Variants in GXYLT1 observed in about 807,000 individuals in gnomAD.
GXYLT1 encodes glycosyltransferase 8 domain containing 3.
GXYLT1 carries 29 observed loss-of-function variants against 54.0 expected under a neutral mutation model. The ratio of observed to expected loss-of-function variants is 0.54; its 90% CI spans 0.40 to 0.73. GXYLT1 has a LOEUF of 0.73. GXYLT1 is among the 30% of genes least tolerant of loss of function. The probability of loss-of-function intolerance (pLI) is 0.00; values close to 1 mark genes in which losing one functional copy is unlikely to be tolerated. For synonymous variants in GXYLT1, 176 were observed against 204.1 expected, an observed-to-expected ratio of 0.86 and a Z score of 1.17; for missense variants, 490 against 553.4, an observed-to-expected ratio of 0.89 and a Z score of 1.15.
intron 1 of GXYLT1, among the ~76,000 whole-genome samples, chr12:42,136,068 T>G (rs2065617894): frequency 6.6e-6 from 1 of 152,226 alleles, no homozygotes; most frequent in Non-Finnish European, 1.5e-5. Context: ...CTGTAAGGAA[T>G]GAAGTAATTT....
rs1043441185 is a variant in GXYLT1, at chr12:42,087,531, A to G, written c.*255T>C. The G allele has an allele frequency of 2.5e-5, 9 of 361,174 alleles. No individual in the cohort carries two copies. The highest frequency in any genetic ancestry group is 2.0e-4 in the African/African-American group (9 of 45,722). The allele number at this position is 361,174 out of a possible 1,614,324, so 22.4% of individuals were successfully genotyped here. ...AGTCTGCAGGTTAAACCCATTCAAT[A>G]GTATTTTCATCAATACTGGAATGAT... is the stretch of plus-strand genomic sequence containing the variant. On this transcript the variant is annotated 3_prime_UTR_variant, in exon 8 of 8. Coordinates refer to ENST00000398675, the MANE Select transcript of GXYLT1 (RefSeq NM_173601.2).
At chr12:42,127,915 A>T (rs562715349) in intron 2 of GXYLT1, among the ~76,000 whole-genome samples, 2 of 152,366 alleles carry the variant, frequency 1.3e-5, no homozygotes, top group South Asian at 4.1e-4. Flanking sequence ...TCAATCACCC[A>T]ATCTCTTCCA....
At chr12:42,121,891 A>G (rs1436351870) in intron 2 of GXYLT1, among the ~76,000 whole-genome samples, 1 of 152,118 alleles carries the variant, frequency 6.6e-6, no homozygotes, top group South Asian at 2.1e-4. Context: ...GTCTCTGACA[A>G]CCACCCTACC....
intron 4 of GXYLT1, among the ~76,000 whole-genome samples, chr12:42,106,368 T>C (rs1489020889): frequency 1.3e-5 from 2 of 152,214 alleles, no homozygotes; most frequent in Non-Finnish European, 2.9e-5. Context: ...TTTTTCATAA[T>C]GGATAATAAC....
intron 2 of GXYLT1, among the ~76,000 whole-genome samples, chr12:42,123,429 A>C (rs1229808073): frequency 6.6e-6 from 1 of 152,196 alleles, no homozygotes; most frequent in Non-Finnish European, 1.5e-5. Context: ...AATGTATGGT[A>C]TGCTTACTGT....
intron 1 of GXYLT1, among the ~76,000 whole-genome samples, chr12:42,142,973 T>G (rs1565584187): frequency 1.3e-5 from 2 of 152,204 alleles, no homozygotes. Flanking sequence ...TCCTGACACA[T>G]AAAACTTAAC....
chr12:42,107,822 C>T (rs2065430119), intron 4 of GXYLT1, among the ~76,000 whole-genome samples: 3 of 152,080 alleles, frequency 2.0e-5, no homozygotes, highest in African/African-American at 7.2e-5. Flanking sequence ...TTACAGATTA[C>T]TATATTCTTA....
rs2065300001 is a variant in GXYLT1, at chr12:42,087,318, C to T, written c.*468G>A. 1 of 153,224 alleles carries T rather than the reference C, an allele frequency of 6.5e-6. No individual in the cohort carries two copies. Among genetic ancestry groups the T allele is most frequent in the African/African-American group, 2.4e-5 (1 of 41,452 alleles). The allele number at this position is 153,224 out of a possible 1,614,324, so 9.5% of individuals were successfully genotyped here. On this transcript the variant is annotated 3_prime_UTR_variant, in exon 8 of 8. Coordinates refer to ENST00000398675, the MANE Select transcript of GXYLT1 (RefSeq NM_173601.2). ...TTGTCAATGGTTACATCAGTTACAT[C>T]ACATTTCTTCAGAAACAACAGACCT... is the stretch of plus-strand genomic sequence containing the variant.
chr12:42,083,843 C>T lies in GXYLT1; in HGVS notation c.*3943G>A, dbSNP rs1006152322. On this transcript the variant is annotated 3_prime_UTR_variant, in exon 8 of 8. Coordinates refer to ENST00000398675, the MANE Select transcript of GXYLT1 (RefSeq NM_173601.2). ...CCCCCTTCAGACCTAATGAAGCAGT[C>T]CCCTCCACTTCCAACCTCCACTGGG... The T allele has an allele frequency of 1.3e-5, 2 of 151,954 alleles. No homozygotes were observed. The highest frequency in any genetic ancestry group is 2.9e-5 in the Non-Finnish European group (2 of 67,994). The allele number at this position is 151,954 out of a possible 1,614,324, so 9.4% of individuals were successfully genotyped here.
In GXYLT1 at chr12:42,085,625, T is replaced by A. The variant is rs1191935715; in HGVS notation, c.*2161A>T. ...CTCAAAGTAGCTAACATCAAAGTCA[T>A]CTGAGGTGATTGTTAAAAACGAAAT... On this transcript the variant is annotated 3_prime_UTR_variant, in exon 8 of 8. Coordinates refer to ENST00000398675, the MANE Select transcript of GXYLT1 (RefSeq NM_173601.2). The A allele has an allele frequency of 6.6e-6, 1 of 152,258 alleles. No individual in the cohort carries two copies. Among genetic ancestry groups the A allele is most frequent in the Non-Finnish European group, 1.5e-5 (1 of 68,040 alleles). 9.4% of individuals were successfully genotyped at this position (152,258 alleles called of 1,614,324 possible). A position where few individuals can be genotyped will look rare whatever the true frequency, so the allele number is the denominator to read the frequency against.
chr12:42,122,842 A>T (rs1329904117), intron 2 of GXYLT1, among the ~76,000 whole-genome samples: 2 of 152,230 alleles, frequency 1.3e-5, no homozygotes, highest in Non-Finnish European at 2.9e-5. Flanking sequence ...GCACTGTTAC[A>T]GTGTAGAAAT....
intron 1 of GXYLT1, among the ~76,000 whole-genome samples, chr12:42,133,390 T>G (rs151021272): frequency 6.6e-6 from 1 of 152,284 alleles, no homozygotes; most frequent in African/African-American, 2.4e-5. Context: ...ACTGTACCAA[T>G]GTCCAGGCCC....
At chr12:42,111,371 C>T (rs1470789496) in intron 3 of GXYLT1, among the ~76,000 whole-genome samples, 1 of 152,240 alleles carries the variant, frequency 6.6e-6, no homozygotes, top group South Asian at 2.1e-4. Flanking sequence ...AGGGAATTCC[C>T]TTTCCTAGTC....
At chr12:42,120,694 A>G (rs562715185) in intron 2 of GXYLT1, among the ~76,000 whole-genome samples, 2 of 148,234 alleles carry the variant, frequency 1.3e-5, no homozygotes, top group East Asian at 2.0e-4. Context: ...ACCATGTCCA[A>G]CTAATCTTTT....
chr12:42,138,584 G>A lies in GXYLT1; in HGVS notation c.221+5842C>T, dbSNP rs191815432. 2.5e-3 allele frequency among the ~76,000 whole-genome samples: 378 copies of A among 152,100 alleles called. 2 individuals are homozygous for A. Among genetic ancestry groups the A allele is most frequent in the African/African-American group, 8.6e-3 (355 of 41,494 alleles). ...AGAAAGCTTTCCTATGCGTAATAAA[G>A]GTAAACACGATAAAGTAAAAAGTAG... On this transcript the variant is annotated intron_variant, in intron 1 of 7. Transcript: ENST00000398675.
rs754958907 is a variant in GXYLT1 at position 42,097,562 on chromosome 12, T to C, written c.1041A>G (p.Ile347Met). 3.1e-6 allele frequency: 5 copies of C among 1,612,318 alleles called. No homozygotes were observed. The highest frequency in any genetic ancestry group is 3.3e-5 in the Admixed American group (2 of 59,780). The change falls in exon 7 of 8, where the codon ATA becomes ATG. Residue 347 changes from isoleucine to methionine, a missense_variant. Physicochemically the swap from Ile to Met is conservative, Grantham distance 10. Around this residue, in one of 2 missense-constraint regions of GXYLT1, gnomAD observed 342 missense variants for 342.6 expected, o/e 1.00. Transcript: ENST00000398675. Reference protein sequence around the residue: ...CQWNYRPDHCIYGSNCQEAEE... With the variant: ...CQWNYRPDHCMYGSNCQEAEE... ...CTGCTTCTTGGCAATTGCTTCCATA[T>C]ATACAATGATCTGGTCGATAATTCC...
At chr12:42,139,236 T>C (rs1383359587) in intron 1 of GXYLT1, among the ~76,000 whole-genome samples, 1 of 151,868 alleles carries the variant, frequency 6.6e-6, no homozygotes, top group Non-Finnish European at 1.5e-5. Flanking sequence ...CAAAAGTACA[T>C]ATTATTTTTT....
intron 1 of GXYLT1, among the ~76,000 whole-genome samples, chr12:42,140,541 T>C (rs1211992934): frequency 6.7e-6 from 1 of 149,658 alleles, no homozygotes; most frequent in Non-Finnish European, 1.5e-5. Context: ...CTGTTCTCTC[T>C]GATGACGAAA....
chr12:42,111,259 C>T (rs189495381), intron 3 of GXYLT1, among the ~76,000 whole-genome samples: 1 of 152,368 alleles, frequency 6.6e-6, no homozygotes, highest in Admixed American at 6.5e-5. Context: ...GTTCATCTCA[C>T]TGGGGAGTGC....
Sources: gnomAD v4.1 joint callset for allele counts (sites outside exome capture counted in the v4.1 genomes callset) on GRCh38, gnomAD v4.1.1 for gene constraint, gnomAD v4.1.1 regional missense constraint, MANE v1.5 for transcripts, NCBI Gene and HGNC (gene_info 2026-07-23, HGNC 2026-07-21) for gene names.